The following TLN2 variants were observed in gnomAD, a reference collection of about 807,000 sequenced individuals.
TLN2 encodes the protein talin 2.
TLN2 carries 118 observed loss-of-function variants against 294.7 expected under a neutral mutation model. The ratio of observed to expected loss-of-function variants is 0.40; its 90% confidence interval spans 0.34 to 0.47. The LOEUF is 0.47. TLN2 is among the 20% of genes least tolerant of loss of function. The pLI is 0.84. For missense variants in TLN2, 3,083 were observed against 3,282.2 expected (o/e 0.94, Z 1.48); for synonymous variants, 1,431 against 1,304.5 (o/e 1.10, Z -2.09).
At chr15:62,581,396 A>G (rs748700740) in intron 1 of TLN2, among the ~76,000 whole-genome samples, 2 of 152,156 alleles carry the variant, frequency 1.3e-5, no homozygotes, top group Non-Finnish European at 2.9e-5. Flanking sequence ...TTTTACTGGA[A>G]CCTCTCATTC....
intron 49 of TLN2, 25 bp downstream of exon 49, chr15:62,800,518 T>C: frequency 6.2e-7 from 1 of 1,613,002 alleles, no homozygotes; most frequent in Non-Finnish European, 8.5e-7. Flanking sequence ...CGACTGGGGA[T>C]GAGCACCTGA....
chr15:62,436,320 G>T (rs1023848458), intron 1 of TLN2, among the ~76,000 whole-genome samples: 3 of 152,204 alleles, frequency 2.0e-5, no homozygotes, highest in African/African-American at 7.2e-5. Flanking sequence ...CCACTTAGGT[G>T]GAATTCAAAC....
intron 1 of TLN2, among the ~76,000 whole-genome samples, chr15:62,528,940 G>T (rs1268813483): frequency 1.3e-5 from 2 of 152,118 alleles, no homozygotes; most frequent in Non-Finnish European, 2.9e-5. Context: ...CTACAGCATA[G>T]CTGAACATCC....
chr15:62,575,827 C>G (rs2044345130), intron 1 of TLN2, among the ~76,000 whole-genome samples: 1 of 152,216 alleles, frequency 6.6e-6, no homozygotes, highest in Non-Finnish European at 1.5e-5. Flanking sequence ...AAGTGAGTGG[C>G]TATTCTCCAG....
chr15:62,770,173 G>C lies in TLN2; in HGVS notation c.5197-791G>C, dbSNP rs140278329. On this transcript the variant is annotated intron_variant, in intron 41 of 58. Coordinates refer to ENST00000636159, the MANE Select transcript of TLN2 (RefSeq NM_015059.3). ...GGAGCATGCGTCTCAACCCCTCAAA[G>C]CCTCGGTATCTTCATGTGTATCTGC... is the stretch of plus-strand genomic sequence containing the variant. Among the ~76,000 whole-genome samples, 512 of 152,308 alleles carry C rather than the reference G, an allele frequency of 3.4e-3. 2 individuals are homozygous for C. The highest frequency in any genetic ancestry group is 5.2e-3 in the Non-Finnish European group (357 of 68,016).
intron 45 of TLN2, among the ~76,000 whole-genome samples, chr15:62,791,769 G>A (rs762272670): frequency 6.6e-5 from 10 of 152,192 alleles, no homozygotes; most frequent in Non-Finnish European, 1.2e-4. Context: ...GCCTACCTGG[G>A]CTGGAAGGCA....
chr15:62,592,565 A>G (rs924268681), intron 2 of TLN2, among the ~76,000 whole-genome samples: 14 of 152,380 alleles, frequency 9.2e-5, no homozygotes, highest in African/African-American at 3.4e-4. Context: ...GAAAGTATAT[A>G]AAGTCTGAAT....
At chr15:62,514,490 A>T (rs1318674260) in intron 1 of TLN2, among the ~76,000 whole-genome samples, 1 of 152,162 alleles carries the variant, frequency 6.6e-6, no homozygotes, top group Non-Finnish European at 1.5e-5. Flanking sequence ...AGCTTGTTTG[A>T]TTAAGAGTGG....
At chr15:62,805,007 T>A (rs1403020651) in intron 50 of TLN2, among the ~76,000 whole-genome samples, 1 of 151,888 alleles carries the variant, frequency 6.6e-6, no homozygotes, top group Non-Finnish European at 1.5e-5. Flanking sequence ...CTAAAGGGGG[T>A]GGGTCGGTGG....
At chr15:62,694,456 A>G (rs971532397) in intron 14 of TLN2, 64 bp downstream of exon 14, 3 of 1,380,094 alleles carry the variant, frequency 2.2e-6, no homozygotes, top group Admixed American at 3.4e-5. Context: ...TCCTCTTGCC[A>G]GCTTGGAGCC....
chr15:62,807,964 T>C (rs2066409187), intron 51 of TLN2, among the ~76,000 whole-genome samples: 1 of 152,154 alleles, frequency 6.6e-6, no homozygotes, highest in Non-Finnish European at 1.5e-5. Flanking sequence ...AGGGAGCGCA[T>C]GCAATAATGC....
In TLN2 at chr15:62,689,877, T is replaced by TTTTTTTTTTTTTTTTA. The variant is rs71131119; in HGVS notation, c.1114-2963_1114-2962insTTTTTTTTTTTTTTTA. Reference sequence around the variant, plus strand: ...TTTTTTTTTTTTTTTTTTTTTTTTTTATTGGCTGACCCCCCTTCCTCCCTC... The same window carrying TTTTTTTTTTTTTTTTA: ...TTTTTTTTTTTTTTTTTTTTTTTTTTTTTTTTTTTTTTTTTAATTGGCTGACCCCCCTTCCTCCCTC... On this transcript the variant is annotated intron_variant, in intron 12 of 58. Coordinates refer to ENST00000636159, the MANE Select transcript of TLN2 (RefSeq NM_015059.3). Among the ~76,000 whole-genome samples the TTTTTTTTTTTTTTTTA allele has an allele frequency of 6.3e-3, 62 of 9,848 alleles. 25 individuals are homozygous for TTTTTTTTTTTTTTTTA. The highest frequency in any genetic ancestry group is 0.011 in the Non-Finnish European group (36 of 3,428). 6.5% of individuals were successfully genotyped at this position (9,848 alleles called of 152,430 possible). A position where few individuals can be genotyped will look rare whatever the true frequency, so the allele number is the denominator to read the frequency against.
rs1443275223 is a variant in TLN2, at chr15:62,467,201, C to T, written c.-238+76516C>T. ...GTCCTGGGTTCTGTGCCTTGGCCTGCCTCCAAGTCTTTTGGTCAGGTCACC... is the reference window on the plus strand; with the variant it reads ...GTCCTGGGTTCTGTGCCTTGGCCTGTCTCCAAGTCTTTTGGTCAGGTCACC... On this transcript the variant is annotated intron_variant, in intron 1 of 58. Coordinates refer to ENST00000636159, the MANE Select transcript of TLN2 (RefSeq NM_015059.3). Among the ~76,000 whole-genome samples, 3 of 152,142 alleles carry T rather than the reference C, an allele frequency of 2.0e-5. No individual in the cohort carries two copies. The East Asian group carries it at 5.8e-4, about 29-fold the overall frequency.
intron 3 of TLN2, chr15:62,637,264 A>G (rs940010712): frequency 9.2e-5 from 14 of 152,208 alleles, no homozygotes; most frequent in African/African-American, 3.4e-4. Context: ...TTTGTAAACA[A>G]TCTACTTTCA....
chr15:62,506,899 A>AT (rs1194038823), intron 1 of TLN2, among the ~76,000 whole-genome samples: 3 of 152,038 alleles, frequency 2.0e-5, no homozygotes, highest in Non-Finnish European at 2.9e-5. Context: ...CTCCACCCTT[A>AT]TTTTTATTTT....
chr15:62,456,929 G>A (rs2036515759), intron 1 of TLN2, among the ~76,000 whole-genome samples: 1 of 152,098 alleles, frequency 6.6e-6, no homozygotes, highest in South Asian at 2.1e-4. Context: ...TGTGGGATGG[G>A]GGAATTCAGG....
chr15:62,710,561 G>C lies in TLN2; in HGVS notation c.2468-1350G>C, dbSNP rs1296740942. On this transcript the variant is annotated intron_variant, in intron 21 of 58. Coordinates refer to ENST00000636159, the MANE Select transcript of TLN2 (RefSeq NM_015059.3). ...GCAAAAAAGTTGCAGAGGAAATATGGAGAGTTCCCATATACCTTTCCCAGT... is the reference window on the plus strand; with the variant it reads ...GCAAAAAAGTTGCAGAGGAAATATGCAGAGTTCCCATATACCTTTCCCAGT... 2.6e-5 allele frequency among the ~76,000 whole-genome samples: 4 copies of C among 152,048 alleles called. No homozygotes were observed. In the East Asian group the frequency reaches 7.7e-4, roughly 29 times the overall value.
chr15:62,804,416 A>AG (rs1406166695), intron 50 of TLN2, among the ~76,000 whole-genome samples: 2 of 152,146 alleles, frequency 1.3e-5, no homozygotes, highest in African/African-American at 2.4e-5. Flanking sequence ...TGGGCAACAT[A>AG]GGGAAACCAC....
chr15:62,822,178 G>A (rs1014531197), intron 54 of TLN2, among the ~76,000 whole-genome samples: 27 of 152,060 alleles, frequency 1.8e-4, no homozygotes, highest in African/African-American at 5.8e-4. Flanking sequence ...TTCACTTCAC[G>A]ACTCCAGATG....
Sources: allele counts gnomAD v4.1 joint callset (sites outside exome capture counted in the v4.1 genomes callset), GRCh38; gene constraint gnomAD v4.1.1; transcripts MANE v1.5; gene names NCBI Gene and HGNC (gene_info 2026-07-23, HGNC 2026-07-21).